Variants in CCDC148 observed in about 807,000 individuals in gnomAD.
The protein encoded by CCDC148 is coiled-coil domain-containing protein 148.
CCDC148 carries 89 observed loss-of-function variants against 85.7 expected under a neutral mutation model. The ratio of observed to expected loss-of-function variants is 1.04; its 90% CI spans 0.87 to 1.24. CCDC148 has a LOEUF of 1.24. Ranked by LOEUF, CCDC148 falls within the 50% of genes most tolerant of loss-of-function variation. The probability of loss-of-function intolerance (pLI) is 0.00; values close to 1 mark genes in which losing one functional copy is unlikely to be tolerated. For missense variants in CCDC148, 692 were observed against 671.7 expected (o/e 1.03, Z -0.33); for synonymous variants, 230 against 213.9 (o/e 1.08, Z -0.66).
intron 13 of CCDC148, among the ~76,000 whole-genome samples, chr2:158,174,063 C>T (rs1472551411): frequency 1.3e-5 from 2 of 151,942 alleles, no homozygotes; most frequent in Non-Finnish European, 2.9e-5. Context: ...TTCCCTAAAT[C>T]TGTTTTTCTT....
intron 1 of CCDC148, among the ~76,000 whole-genome samples, chr2:158,401,551 G>GA (rs1469676182): frequency 1.3e-5 from 2 of 152,096 alleles, no homozygotes; most frequent in African/African-American, 4.8e-5. Context: ...TGGGTGGTGG[G>GA]GGACTGGAGA....
intron 9 of CCDC148, among the ~76,000 whole-genome samples, chr2:158,272,678 C>A (rs1689753437): frequency 6.6e-6 from 1 of 152,134 alleles, no homozygotes; most frequent in African/African-American, 2.4e-5. Flanking sequence ...CAGCCAAATG[C>A]AGGTCTGATG....
chr2:158,216,863 C>A (rs1157978203), intron 11 of CCDC148, among the ~76,000 whole-genome samples: 1 of 152,078 alleles, frequency 6.6e-6, no homozygotes, highest in Middle Eastern at 3.2e-3. Context: ...GTGTTCCAGG[C>A]AGTGAATGTG....
At chr2:158,299,898 T>TTC (rs79006110) in intron 9 of CCDC148, among the ~76,000 whole-genome samples, 6,732 of 152,234 alleles carry the variant, frequency 0.044, 224 homozygotes, top group East Asian at 0.14. Flanking sequence ...AAAAGGTATC[T>TTC]TCTCTCTCAA....
chr2:158,335,414 G>A lies in CCDC148; in HGVS notation c.764+3312C>T, dbSNP rs1682324511. Among the ~76,000 whole-genome samples the A allele has an allele frequency of 3.3e-5, 5 of 152,184 alleles. No homozygotes were observed. In the South Asian group the frequency reaches 1.0e-3, roughly 32 times the overall value. On this transcript the variant is annotated intron_variant, in intron 7 of 13. Transcript: ENST00000283233. ...TTCCTCTGCAGAAATATTAGCATGT[G>A]TATTAGTCTGTTCTGATGCTGTTAA... is the stretch of plus-strand genomic sequence containing the variant.
chr2:158,202,925 A>C (rs1239506230), intron 11 of CCDC148, among the ~76,000 whole-genome samples: 21 of 152,176 alleles, frequency 1.4e-4, no homozygotes, highest in Admixed American at 1.4e-3. Flanking sequence ...TGGTGAAGGA[A>C]AGGGGCTCTC....
At chr2:158,221,020 G>A (rs1193021048) in intron 10 of CCDC148, among the ~76,000 whole-genome samples, 1 of 152,164 alleles carries the variant, frequency 6.6e-6, no homozygotes, top group Non-Finnish European at 1.5e-5. Context: ...CAATAAAAGT[G>A]TGTTATTGTC....
chr2:158,190,948 T>C lies in CCDC148; in HGVS notation c.1371-11952A>G, dbSNP rs890537060. Among the ~76,000 whole-genome samples, 6 of 152,132 alleles carry C rather than the reference T, an allele frequency of 3.9e-5. No individual in the cohort carries two copies. The South Asian group carries it at 1.2e-3, about 32-fold the overall frequency. On this transcript the variant is annotated intron_variant, in intron 11 of 13. Transcript: ENST00000283233. ...AATACTAAAAGAGGCATTGCTTTAG[T>C]ATTGAGCTTTAAAAAGACATGCTAA...
chr2:158,446,972 C>T (rs946570253), intron 1 of CCDC148, among the ~76,000 whole-genome samples: 7 of 151,990 alleles, frequency 4.6e-5, no homozygotes, highest in South Asian at 2.1e-4. Flanking sequence ...GAATAGTATT[C>T]GAGTATGCCA....
At chr2:158,325,146 T>C (rs943028318) in intron 7 of CCDC148, among the ~76,000 whole-genome samples, 1 of 151,752 alleles carries the variant, frequency 6.6e-6, no homozygotes. Context: ...CCTACTCTCC[T>C]TTGCAGAAAA....
chr2:158,393,805 C>T (rs184932868), intron 1 of CCDC148, among the ~76,000 whole-genome samples: 111 of 152,208 alleles, frequency 7.3e-4, no homozygotes, highest in Admixed American at 1.6e-3. Flanking sequence ...GATAACCTTT[C>T]TTGGGAACTA....
chr2:158,237,404 T>C (rs950023214), intron 10 of CCDC148, among the ~76,000 whole-genome samples: 57 of 152,078 alleles, frequency 3.7e-4, no homozygotes, highest in African/African-American at 1.3e-3. Context: ...AGAGTGGAAA[T>C]GGAAAGGGAG....
chr2:158,288,920 C>A, intron 9 of CCDC148: 1 of 267,880 alleles, frequency 3.7e-6, no homozygotes, highest in Non-Finnish European at 7.3e-6. Flanking sequence ...GCAAAAGGCA[C>A]TTCATACATG....
At chr2:158,415,331 C>G (rs1478780248) in intron 1 of CCDC148, among the ~76,000 whole-genome samples, 1 of 151,992 alleles carries the variant, frequency 6.6e-6, no homozygotes, top group Non-Finnish European at 1.5e-5. Flanking sequence ...AATTCACTCA[C>G]TATCATGAGA....
chr2:158,323,919 CTTTTTTTT>C (rs777356867), intron 7 of CCDC148, among the ~76,000 whole-genome samples: 3 of 82,944 alleles, frequency 3.6e-5, no homozygotes, highest in South Asian at 4.5e-4. Context: ...CTGGGAATAA[CTTTTTTTT>C]TTTTTTTTTT....
chr2:158,295,504 C>G (rs1471713038), intron 9 of CCDC148, among the ~76,000 whole-genome samples: 7 of 149,466 alleles, frequency 4.7e-5, no homozygotes, highest in Non-Finnish European at 8.9e-5. Context: ...AATCCAGCAG[C>G]ACATCAAAAA....
At chr2:158,340,528 G>C in intron 4 of CCDC148, 70 bp downstream of exon 4, 1 of 1,377,584 alleles carries the variant, frequency 7.3e-7, no homozygotes, top group Non-Finnish European at 1.0e-6. Context: ...AAAAGAACAT[G>C]AAGTGAGTGG....
chr2:158,326,598 A>C (rs1692789627), intron 7 of CCDC148, among the ~76,000 whole-genome samples: 1 of 152,230 alleles, frequency 6.6e-6, no homozygotes, highest in East Asian at 1.9e-4. Context: ...TTAACTTGCA[A>C]AATGTCTTTA....
chr2:158,332,498 T>G (rs1018982995), intron 7 of CCDC148, among the ~76,000 whole-genome samples: 1 of 140,134 alleles, frequency 7.1e-6, no homozygotes, highest in Non-Finnish European at 1.6e-5. Flanking sequence ...AATTTTCTTT[T>G]TTTGTCGTGT....
Sources: allele counts gnomAD v4.1 joint callset (sites outside exome capture counted in the v4.1 genomes callset), GRCh38; gene constraint gnomAD v4.1.1; transcripts MANE v1.5; gene names NCBI Gene and HGNC (gene_info 2026-07-23, HGNC 2026-07-21).